UNC13C: variants seen among roughly 807,000 people sequenced by gnomAD.
UNC13C encodes the protein protein unc-13 homolog C.
UNC13C carries 174 observed loss-of-function variants against 245.4 expected under a neutral mutation model. That is an observed-to-expected ratio of 0.71 (90% CI 0.63 to 0.80). The LOEUF is 0.80. UNC13C is among the 30% of genes least tolerant of loss of function. The probability of loss-of-function intolerance (pLI) is 0.00; values close to 1 mark genes in which losing one functional copy is unlikely to be tolerated. For synonymous variants in UNC13C, 992 were observed against 895.1 expected, an observed-to-expected ratio of 1.11 and a Z score of -1.93; for missense variants, 2,829 against 2,602.9, an observed-to-expected ratio of 1.09 and a Z score of -1.89.
rs868397922 is a variant in UNC13C at position 54,028,414 on chromosome 15, C to T, written c.2983+12528C>T. 3.9e-5 allele frequency among the ~76,000 whole-genome samples: 6 copies of T among 152,310 alleles called. No individual in the cohort carries two copies. The South Asian group carries it at 1.2e-3, about 32-fold the overall frequency. On this transcript the variant is annotated intron_variant, in intron 2 of 32. Coordinates refer to ENST00000260323, the MANE Select transcript of UNC13C (RefSeq NM_001080534.3). ...CTCTATTTCTTTCCCCATCCCTGCT[C>T]TGCCACTAATCCATCACGTCTCAGC...
chr15:54,431,688 A>T (rs1291270852), intron 19 of UNC13C, among the ~76,000 whole-genome samples: 2 of 151,654 alleles, frequency 1.3e-5, no homozygotes, highest in Admixed American at 6.6e-5. Context: ...TTGGTAAAAA[A>T]CTTCTGTATA....
chr15:54,348,699 A>G (rs1199965781), intron 17 of UNC13C, among the ~76,000 whole-genome samples: 9 of 152,268 alleles, frequency 5.9e-5, no homozygotes, highest in Admixed American at 2.0e-4. Context: ...TTTTAACCCA[A>G]AAAGTTGATT....
At chr15:53,957,540 G>A in the UNC13C span, among the ~76,000 whole-genome samples, 2 of 152,084 alleles carry the variant, frequency 1.3e-5, no homozygotes, top group South Asian at 2.1e-4. Flanking sequence ...TCACAACATC[G>A]TGAATGTACT....
At chr15:54,110,893 T>A (rs926629328) in intron 2 of UNC13C, among the ~76,000 whole-genome samples, 4 of 152,168 alleles carry the variant, frequency 2.6e-5, no homozygotes, top group African/African-American at 9.7e-5. Context: ...AGTAAACAAT[T>A]GTTTTCCAAA....
At chr15:54,246,671 T>C (rs2036000937) in intron 7 of UNC13C, among the ~76,000 whole-genome samples, 1 of 143,532 alleles carries the variant, frequency 7.0e-6, no homozygotes, top group East Asian at 2.1e-4. Flanking sequence ...TTGTAAAGTT[T>C]AGAAACATTT....
chr15:54,221,439 G>A (rs1252101653), intron 4 of UNC13C, among the ~76,000 whole-genome samples: 10 of 151,664 alleles, frequency 6.6e-5, no homozygotes. Flanking sequence ...TTAGCAGGTG[G>A]AAATTATATG....
At chr15:53,873,896 T>C in the UNC13C span, among the ~76,000 whole-genome samples, 24 of 134,266 alleles carry the variant, frequency 1.8e-4, no homozygotes, top group African/African-American at 6.6e-4. Flanking sequence ...CTTCCTTCTC[T>C]TTCCTTCCTT....
At chr15:53,873,923 T>TCTTCCTTCCTTCCTTC in the UNC13C span, among the ~76,000 whole-genome samples, 88 of 47,596 alleles carry the variant, frequency 1.8e-3, no homozygotes, top group East Asian at 4.8e-3. Flanking sequence ...TTCCTTCCTT[T>TCTTCCTTCCTTCCTTC]CTTCCTTCCT....
chr15:54,598,265 G>T (rs568259915), intron 30 of UNC13C, among the ~76,000 whole-genome samples: 1 of 152,174 alleles, frequency 6.6e-6, no homozygotes, highest in East Asian at 1.9e-4. Flanking sequence ...GCTAATTTTT[G>T]TGTATTTTTA....
At chr15:53,858,199 T>C in the UNC13C span, among the ~76,000 whole-genome samples, 39 of 152,254 alleles carry the variant, frequency 2.6e-4, no homozygotes, top group East Asian at 2.5e-3. Flanking sequence ...ATTCCATCAA[T>C]TGGAACTCTA....
intron 7 of UNC13C, among the ~76,000 whole-genome samples, chr15:54,238,713 T>A (rs930061218): frequency 9.2e-5 from 14 of 152,240 alleles, no homozygotes; most frequent in African/African-American, 3.4e-4. Context: ...AACTTGTTTG[T>A]TGTTCTTGTT....
the UNC13C span, among the ~76,000 whole-genome samples, chr15:53,896,345 T>C: frequency 6.6e-6 from 1 of 152,188 alleles, no homozygotes; most frequent in African/African-American, 2.4e-5. Context: ...TCTTTCATTG[T>C]AGTGTTAGCA....
At chr15:54,082,688 T>C (rs1380397218) in intron 2 of UNC13C, among the ~76,000 whole-genome samples, 2 of 152,222 alleles carry the variant, frequency 1.3e-5, no homozygotes, top group Non-Finnish European at 2.9e-5. Flanking sequence ...TCTACTCATC[T>C]TAAGGAACCG....
chr15:54,066,388 G>A (rs1898077081), intron 2 of UNC13C, among the ~76,000 whole-genome samples: 1 of 152,184 alleles, frequency 6.6e-6, no homozygotes, highest in African/African-American at 2.4e-5. Context: ...GGAAGTTGAA[G>A]CTTATGTTTG....
intron 19 of UNC13C, among the ~76,000 whole-genome samples, chr15:54,425,882 G>A (rs181402831): frequency 4.9e-4 from 75 of 151,918 alleles, no homozygotes; most frequent in Admixed American, 7.9e-4. Context: ...CAAGGTGTTG[G>A]TAGACAGCCT....
At chr15:54,329,507 G>A (rs2038385662) in intron 14 of UNC13C, among the ~76,000 whole-genome samples, 1 of 151,950 alleles carries the variant, frequency 6.6e-6, no homozygotes, top group African/African-American at 2.4e-5. Flanking sequence ...TTTAGATATT[G>A]TGCCATGTCC....
intron 26 of UNC13C, among the ~76,000 whole-genome samples, chr15:54,540,960 G>T (rs1235219776): frequency 2.6e-5 from 4 of 151,908 alleles, no homozygotes; most frequent in Non-Finnish European, 5.9e-5. Flanking sequence ...TTTTTCTGTG[G>T]ATAGCCTTTG....
intron 2 of UNC13C, among the ~76,000 whole-genome samples, chr15:54,089,966 T>C (rs931167931): frequency 5.3e-5 from 8 of 152,182 alleles, no homozygotes; most frequent in African/African-American, 1.4e-4. Context: ...AGAATGCAGA[T>C]TGCAGCAGAG....
chr15:54,499,570 G>A (rs1248764204), intron 20 of UNC13C, among the ~76,000 whole-genome samples: 1 of 152,002 alleles, frequency 6.6e-6, no homozygotes, highest in Non-Finnish European at 1.5e-5. Flanking sequence ...GATCAACTGG[G>A]CACACATACA....
Sources: gnomAD v4.1 joint callset for allele counts (sites outside exome capture counted in the v4.1 genomes callset) on GRCh38, gnomAD v4.1.1 for gene constraint, MANE v1.5 for transcripts, NCBI Gene and HGNC (gene_info 2026-07-23, HGNC 2026-07-21) for gene names.